Variants in TMEM268 observed in about 807,000 individuals in gnomAD.
The protein encoded by TMEM268 is transmembrane protein C9orf91.
A neutral mutation model predicts 39.1 loss-of-function variants in TMEM268; 24 were observed. The ratio of observed to expected loss-of-function variants is 0.61; its 90% confidence interval spans 0.44 to 0.86. TMEM268 has a LOEUF of 0.86. Among genes scored for constraint, TMEM268 ranks in the 40% least tolerant of loss-of-function variants. The probability of loss-of-function intolerance (pLI) is 0.00; values close to 1 mark genes in which losing one functional copy is unlikely to be tolerated. For missense variants in TMEM268, 409 were observed against 428.6 expected (o/e 0.95, Z 0.40); for synonymous variants, 176 against 173.5 (o/e 1.01, Z -0.12).
chr9:114,605,337 T>TG, the TMEM268 span, among the ~76,000 whole-genome samples: 5 of 152,014 alleles, frequency 3.3e-5, no homozygotes, highest in South Asian at 1.0e-3. Context: ...AGTTTTGCTT[T>TG]TTTTTCTGGT....
intron 1 of TMEM268, among the ~76,000 whole-genome samples, chr9:114,616,229 A>G (rs567091659): frequency 2.0e-5 from 3 of 149,808 alleles, no homozygotes; most frequent in South Asian, 4.3e-4. Flanking sequence ...GTTAGCCAGG[A>G]TGGTCTCGAT....
chr9:114,629,220 A>G (rs1279163215), intron 5 of TMEM268, among the ~76,000 whole-genome samples: 1 of 152,266 alleles, frequency 6.6e-6, no homozygotes, highest in Admixed American at 6.5e-5. Context: ...ACACCAATTT[A>G]TTATCTTCCA....
intron 5 of TMEM268, among the ~76,000 whole-genome samples, chr9:114,631,341 C>A (rs888707083): frequency 1.5e-4 from 22 of 150,656 alleles, no homozygotes; most frequent in Non-Finnish European, 2.9e-4. Context: ...CAAGTCCTGG[C>A]ACATTGCTAG....
At chr9:114,609,297 C>T (rs991846531), upstream of TMEM268, among the ~76,000 whole-genome samples, 3 of 149,534 alleles carry the variant, frequency 2.0e-5, no homozygotes, top group Admixed American at 2.0e-4. Flanking sequence ...GGTGACAGAG[C>T]GAGACCCCAT....
chr9:114,611,286 C>G (rs1003939169), upstream of TMEM268: 4 of 151,712 alleles, frequency 2.6e-5, no homozygotes, highest in African/African-American at 7.3e-5. Flanking sequence ...GGGGGGCGCT[C>G]GGCTGATGAA....
At chr9:114,642,451 C>A (rs963083917) in intron 8 of TMEM268, among the ~76,000 whole-genome samples, 1 of 151,530 alleles carries the variant, frequency 6.6e-6, no homozygotes, top group Non-Finnish European at 1.5e-5. Flanking sequence ...TACCAGGTAC[C>A]TTGTATGAAT....
upstream of TMEM268, among the ~76,000 whole-genome samples, chr9:114,610,893 CTT>C (rs1309189266): frequency 2.0e-5 from 3 of 152,182 alleles, no homozygotes; most frequent in Non-Finnish European, 4.4e-5. Context: ...AACCAATGCT[CTT>C]AACAATACAG....
chr9:114,609,089 C>G (rs1425085481), upstream of TMEM268, among the ~76,000 whole-genome samples: 1 of 152,196 alleles, frequency 6.6e-6, no homozygotes, highest in Non-Finnish European at 1.5e-5. Context: ...GCGGGTGGAT[C>G]ACCTGAGGTC....
intron 3 of TMEM268, among the ~76,000 whole-genome samples, chr9:114,625,339 C>G (rs1288864311): frequency 6.6e-6 from 1 of 152,070 alleles, no homozygotes; most frequent in Non-Finnish European, 1.5e-5. Flanking sequence ...CATGATCAGG[C>G]CTTTCCTGTG....
chr9:114,637,810 C>T (rs759413223), intron 7 of TMEM268, among the ~76,000 whole-genome samples: 8 of 152,148 alleles, frequency 5.3e-5, no homozygotes, highest in Non-Finnish European at 8.8e-5. Context: ...GGTTTGGAGG[C>T]CAGGCCTCCT....
intron 2 of TMEM268, among the ~76,000 whole-genome samples, chr9:114,623,144 G>GTTATTTAT (rs1003638331): frequency 1.3e-5 from 2 of 151,974 alleles, no homozygotes; most frequent in African/African-American, 4.8e-5. Flanking sequence ...CCACAGATTT[G>GTTATTTAT]TTATTTATTT....
chr9:114,626,013 A>G (rs1242635861), intron 3 of TMEM268, among the ~76,000 whole-genome samples: 10 of 147,692 alleles, frequency 6.8e-5, no homozygotes, highest in Non-Finnish European at 1.3e-4. Context: ...TTTTAGCAGG[A>G]ACAGGGTTTC....
At chr9:114,608,327 T>C (rs117629219), upstream of TMEM268, among the ~76,000 whole-genome samples, 1 of 152,186 alleles carries the variant, frequency 6.6e-6, no homozygotes, top group South Asian at 2.1e-4. Flanking sequence ...AATGAGGGTA[T>C]TGAAACTCAG....
chr9:114,619,915 A>G (rs555225622), intron 2 of TMEM268, among the ~76,000 whole-genome samples: 1 of 151,948 alleles, frequency 6.6e-6, no homozygotes, highest in South Asian at 2.1e-4. Context: ...CTTATTTTAA[A>G]ATTTATTTTT....
chr9:114,612,935 A>G (rs1023821540), intron 1 of TMEM268, among the ~76,000 whole-genome samples: 3 of 152,180 alleles, frequency 2.0e-5, no homozygotes, highest in Admixed American at 2.0e-4. Flanking sequence ...GTGCTTAGGA[A>G]ATGTCTGTGG....
rs750515493 is a variant in TMEM268 at position 114,628,226 on chromosome 9, G to A, written c.450G>A (p.Leu150=). 6.2e-7 allele frequency: 1 copy of A among 1,614,074 alleles called. No individual in the cohort carries two copies. The highest frequency in any genetic ancestry group is 8.5e-7 in the Non-Finnish European group (1 of 1,180,000). ...AAVSLTLTLV[L]VFERHQKKAN... is the part of the protein sequence containing the mutation. ...TGAGCCTGACCTTGACTCTTGTGCTGGTCTTTGAAAGACACCAGAAGAAGG... is the reference window on the plus strand; with the variant it reads ...TGAGCCTGACCTTGACTCTTGTGCTAGTCTTTGAAAGACACCAGAAGAAGG... The change falls in exon 5 of 9, where the codon CTG becomes CTA. Residue 150 remains leucine (L), a synonymous_variant. Transcript: ENST00000288502.
At chr9:114,633,328 A>G (rs868168139) in intron 5 of TMEM268, among the ~76,000 whole-genome samples, 2 of 151,796 alleles carry the variant, frequency 1.3e-5, no homozygotes, top group African/African-American at 2.4e-5. Flanking sequence ...CGCCCAGCTA[A>G]TTTTTGTATT....
chr9:114,605,548 T>A, the TMEM268 span, among the ~76,000 whole-genome samples: 1 of 152,176 alleles, frequency 6.6e-6, no homozygotes, highest in Non-Finnish European at 1.5e-5. Context: ...CATAGTTTAC[T>A]GTGTTTGAAG....
At chr9:114,609,863 A>T (rs1845432771), upstream of TMEM268, among the ~76,000 whole-genome samples, 3 of 151,932 alleles carry the variant, frequency 2.0e-5, no homozygotes, top group African/African-American at 7.2e-5. Context: ...AAAGAGAAAG[A>T]GAAAGAAAGA....
Sources: gnomAD v4.1 joint callset for allele counts (sites outside exome capture counted in the v4.1 genomes callset) on GRCh38, gnomAD v4.1.1 for gene constraint, MANE v1.5 for transcripts, NCBI Gene and HGNC (gene_info 2026-07-23, HGNC 2026-07-21) for gene names.